The following TAFA5 variants were observed in gnomAD, a reference collection of about 807,000 sequenced individuals.
The protein encoded by TAFA5 is TAFA chemokine like family member 5, also known as chemokine-like protein TAFA-5.
In TAFA5, 6 loss-of-function variants were observed where a neutral mutation model predicts 15.3. That is an observed-to-expected ratio of 0.39 (90% CI 0.21 to 0.77). The LOEUF is 0.77. Ranked by LOEUF, TAFA5 falls within the 30% of genes least tolerant of loss-of-function variation. TAFA5 has a pLI of 0.41. For missense variants in TAFA5, 161 were observed against 193.1 expected, an observed-to-expected ratio of 0.83 and a Z score of 0.98; for synonymous variants, 103 against 80.7, an observed-to-expected ratio of 1.28 and a Z score of -1.48.
At chr22:48,511,771 A>C (rs1048526233) in intron 1 of TAFA5, among the ~76,000 whole-genome samples, 1 of 152,192 alleles carries the variant, frequency 6.6e-6, no homozygotes, top group African/African-American at 2.4e-5. Context: ...GGAACCTTAC[A>C]AGACGGTGCT....
intron 1 of TAFA5, among the ~76,000 whole-genome samples, chr22:48,510,466 T>G (rs1921170694): frequency 6.6e-6 from 1 of 152,378 alleles, no homozygotes; most frequent in African/African-American, 2.4e-5. Context: ...TTCATTGTTT[T>G]GGAAAACAGA....
rs1926219379 is a variant in TAFA5 at position 48,631,333 on chromosome 22, C to T, written c.113-15264C>T. 2.6e-5 allele frequency among the ~76,000 whole-genome samples: 4 copies of T among 152,206 alleles called. No individual in the cohort carries two copies. The South Asian group carries it at 8.3e-4, about 31-fold the overall frequency. On this transcript the variant is annotated intron_variant, in intron 1 of 3. Coordinates refer to ENST00000402357, the MANE Select transcript of TAFA5 (RefSeq NM_001082967.3). ...CAGCCCCACCCAGCCACATGCCTTC[C>T]ATGAGGGCCACGCTGGACACACGCC...
intron 2 of TAFA5, among the ~76,000 whole-genome samples, chr22:48,675,374 A>G (rs1471406348): frequency 6.6e-6 from 1 of 152,206 alleles, no homozygotes; most frequent in African/African-American, 2.4e-5. Context: ...GCAGCGGGAG[A>G]CAGAGCAGGG....
At chr22:48,747,524 G>T (rs1471396790) in intron 3 of TAFA5, among the ~76,000 whole-genome samples, 3 of 152,164 alleles carry the variant, frequency 2.0e-5, no homozygotes, top group Non-Finnish European at 4.4e-5. Flanking sequence ...GTCCGTGGAG[G>T]TGGCACCATG....
chr22:48,530,506 G>A lies in TAFA5; in HGVS notation c.112+40802G>A, dbSNP rs1423402942. Among the ~76,000 whole-genome samples, 1 of 152,186 alleles carries A rather than the reference G, an allele frequency of 6.6e-6. No homozygotes were observed. The highest frequency in any genetic ancestry group is 1.5e-5 in the Non-Finnish European group (1 of 68,034). On this transcript the variant is annotated intron_variant, in intron 1 of 3. Coordinates refer to ENST00000402357, the MANE Select transcript of TAFA5 (RefSeq NM_001082967.3). The surrounding 1 kb of genome is among the most constrained non-coding windows in gnomAD (Gnocchi z 6.0). Reference sequence around the variant, plus strand: ...GGATGGTTCAGGGGAACCTGCTGCAGGTTTACAGAGAGAGAAGCTGAGGCC... The same window carrying A: ...GGATGGTTCAGGGGAACCTGCTGCAAGTTTACAGAGAGAGAAGCTGAGGCC...
intron 1 of TAFA5, among the ~76,000 whole-genome samples, chr22:48,540,475 C>A (rs1010682918): frequency 6.6e-6 from 1 of 152,200 alleles, no homozygotes; most frequent in African/African-American, 2.4e-5. Context: ...GTCCCTGGTC[C>A]CCTGAGGTCT....
intron 1 of TAFA5, among the ~76,000 whole-genome samples, chr22:48,580,370 G>T (rs568192626): frequency 1.3e-5 from 2 of 152,368 alleles, no homozygotes; most frequent in East Asian, 3.9e-4. Flanking sequence ...TCGTCTATCT[G>T]TTAGATGGAT....
chr22:48,493,124 G>A (rs1928213091), intron 1 of TAFA5, among the ~76,000 whole-genome samples: 1 of 152,194 alleles, frequency 6.6e-6, no homozygotes, highest in Non-Finnish European at 1.5e-5. Context: ...CCTAAGCACT[G>A]ACTCGGTCCT....
chr22:48,564,253 C>G (rs948296255), intron 1 of TAFA5, among the ~76,000 whole-genome samples: 8 of 152,264 alleles, frequency 5.3e-5, no homozygotes, highest in Non-Finnish European at 1.0e-4. Context: ...TGTGGCGGAA[C>G]AGGGACGCTC....
intron 1 of TAFA5, among the ~76,000 whole-genome samples, chr22:48,633,535 TCTCC>T (rs796335592): frequency 4.8e-5 from 6 of 124,250 alleles, no homozygotes; most frequent in East Asian, 3.0e-4. Flanking sequence ...TCTGTCTGTC[TCTCC>T]CTCTCTCTCT....
intron 3 of TAFA5, among the ~76,000 whole-genome samples, chr22:48,728,799 GA>G (rs1281810560): frequency 1.1e-4 from 17 of 152,166 alleles, no homozygotes; most frequent in Admixed American, 1.1e-3. Flanking sequence ...ATTTTAAAAA[GA>G]AAGGCATGGA....
chr22:48,502,183 A>G (rs1428897963), intron 1 of TAFA5, among the ~76,000 whole-genome samples: 1 of 149,250 alleles, frequency 6.7e-6, no homozygotes, highest in Non-Finnish European at 1.5e-5. Context: ...TTGGATAACA[A>G]GAAGACTGAG....
intron 2 of TAFA5, among the ~76,000 whole-genome samples, chr22:48,648,273 G>A (rs1926935025): frequency 6.6e-6 from 1 of 152,174 alleles, no homozygotes. Context: ...TGGATTTGGA[G>A]TCTGAGTTTC....
intron 1 of TAFA5, among the ~76,000 whole-genome samples, chr22:48,575,627 G>A (rs1483058477): frequency 1.4e-5 from 2 of 146,384 alleles, no homozygotes; most frequent in Non-Finnish European, 3.0e-5. Context: ...CACCGGCAGC[G>A]GCGGCCCAGC....
rs529067112 is a variant in TAFA5 at position 48,611,526 on chromosome 22, T to C, written c.113-35071T>C. Among the ~76,000 whole-genome samples, 9 of 152,254 alleles carry C rather than the reference T, an allele frequency of 5.9e-5. No individual in the cohort carries two copies. In the South Asian group the frequency reaches 1.7e-3, roughly 28 times the overall value. Reference sequence around the variant, plus strand: ...CGGGAGCTATGCCTGGCGAGGGCTTTTGGGGGCTCGGCCATGTGGATTCTG... The same window carrying C: ...CGGGAGCTATGCCTGGCGAGGGCTTCTGGGGGCTCGGCCATGTGGATTCTG... On this transcript the variant is annotated intron_variant, in intron 1 of 3. Coordinates refer to ENST00000402357, the MANE Select transcript of TAFA5 (RefSeq NM_001082967.3).
intron 1 of TAFA5, among the ~76,000 whole-genome samples, chr22:48,492,665 CAG>C (rs1195325514): frequency 6.6e-6 from 1 of 152,140 alleles, no homozygotes; most frequent in African/African-American, 2.4e-5. Context: ...GAGACGCAAA[CAG>C]GGGAAAGGGG....
intron 1 of TAFA5, among the ~76,000 whole-genome samples, chr22:48,637,214 G>A (rs537204816): frequency 3.9e-5 from 6 of 152,308 alleles, no homozygotes; most frequent in East Asian, 1.9e-4. Flanking sequence ...CTCCTGGTGC[G>A]TGCCTGTGTG....
intron 1 of TAFA5, among the ~76,000 whole-genome samples, chr22:48,507,317 G>A (rs1035448618): frequency 2.0e-5 from 3 of 151,588 alleles, no homozygotes; most frequent in Non-Finnish European, 4.4e-5. Context: ...GTGGCCGGCC[G>A]GTCAGGCTGG....
In TAFA5 at chr22:48,693,528, G is replaced by A. The variant is rs866838917; in HGVS notation, c.263-14189G>A. 2.1e-5 allele frequency: 31 copies of A among 1,446,038 alleles called. 1 individual carries two copies. In the African/African-American group the frequency reaches 2.4e-4, roughly 11 times the overall value. 89.6% of individuals were successfully genotyped at this position (1,446,038 alleles called of 1,614,324 possible). A position where few individuals can be genotyped will look rare whatever the true frequency, so the allele number is the denominator to read the frequency against. The stretch of plus-strand genomic sequence containing the variant: ...CAGAGGAGACCAGCAGGTGAGGCCC[G>A]CAGGAGGGGCGGCTGGGCCTGGAGC... On this transcript the variant is annotated intron_variant, in intron 2 of 3. Coordinates refer to ENST00000402357, the MANE Select transcript of TAFA5 (RefSeq NM_001082967.3).
Sources: allele counts gnomAD v4.1 joint callset (sites outside exome capture counted in the v4.1 genomes callset), GRCh38; gene constraint gnomAD v4.1.1; non-coding constraint Gnocchi (gnomAD v3.1); transcripts MANE v1.5; gene names NCBI Gene and HGNC (gene_info 2026-07-23, HGNC 2026-07-21).